DNAJB14: variants seen among roughly 807,000 people sequenced by gnomAD.
DNAJB14 encodes dnaJ homolog subfamily B member 14.
In DNAJB14, 22 loss-of-function variants were observed where a neutral mutation model predicts 48.4. The ratio of observed to expected loss-of-function variants is 0.45; its 90% CI spans 0.32 to 0.65. DNAJB14 has a LOEUF of 0.65. Among genes scored for constraint, DNAJB14 ranks in the 30% least tolerant of loss-of-function variants. DNAJB14 has a pLI of 0.03. For missense variants in DNAJB14, 319 were observed against 458.8 expected (o/e 0.70, Z 2.78); for synonymous variants, 142 against 158.7 (o/e 0.89, Z 0.79).
At chr4:99,923,887 A>G (rs776991779) in intron 2 of DNAJB14, 61 of 984,984 alleles carry the variant, frequency 6.2e-5, no homozygotes, top group Non-Finnish European at 7.0e-5. Context: ...TCTGAAAAAG[A>G]TAACATCTCA....
intron 2 of DNAJB14, chr4:99,926,218 T>G (rs951131345): frequency 6.6e-6 from 1 of 152,234 alleles, no homozygotes; most frequent in African/African-American, 2.4e-5. Flanking sequence ...TGTACTACAG[T>G]TGCCTCTTTA....
At chr4:99,931,831 G>T (rs1726481276) in intron 1 of DNAJB14, among the ~76,000 whole-genome samples, 1 of 151,362 alleles carries the variant, frequency 6.6e-6, no homozygotes, top group Admixed American at 6.6e-5. Flanking sequence ...AAATGGGTTG[G>T]AAAAGAAAAA....
chr4:99,913,713 C>A (rs962944430), intron 3 of DNAJB14, among the ~76,000 whole-genome samples: 3 of 147,586 alleles, frequency 2.0e-5, no homozygotes, highest in Admixed American at 6.9e-5. Flanking sequence ...GTCTCTTCCT[C>A]TTCTATTTTC....
At chr4:99,939,233 A>G (rs966201532) in intron 1 of DNAJB14, among the ~76,000 whole-genome samples, 3 of 152,136 alleles carry the variant, frequency 2.0e-5, no homozygotes, top group Admixed American at 6.5e-5. Context: ...ATGGTGGTGC[A>G]TGCCTGTAGT....
chr4:99,916,030 G>C (rs1725842811), intron 3 of DNAJB14, among the ~76,000 whole-genome samples: 1 of 151,854 alleles, frequency 6.6e-6, no homozygotes, highest in Admixed American at 6.6e-5. Context: ...TATTAATATA[G>C]CAACTCCTGT....
intron 2 of DNAJB14, chr4:99,924,959 C>T (rs558319026): frequency 1.6e-6 from 1 of 631,968 alleles, no homozygotes. Flanking sequence ...AGTGTGAATA[C>T]CTGTATGTTT....
chr4:99,935,648 G>A (rs779738022), intron 1 of DNAJB14, among the ~76,000 whole-genome samples: 64 of 152,302 alleles, frequency 4.2e-4, no homozygotes, highest in Non-Finnish European at 9.0e-4. Flanking sequence ...TAAATGGTGG[G>A]CTTCCCCTGT....
chr4:99,914,909 T>A (rs72915005), intron 3 of DNAJB14, among the ~76,000 whole-genome samples: 1 of 152,188 alleles, frequency 6.6e-6, no homozygotes, highest in African/African-American at 2.4e-5. Flanking sequence ...CATTTCTGTC[T>A]TCTTTTTTTG....
chr4:99,901,210 T>C, intron 7 of DNAJB14, 58 bp from the exon 8 acceptor site: 1 of 1,453,990 alleles, frequency 6.9e-7, no homozygotes, highest in Non-Finnish European at 9.3e-7. Context: ...CCTAGTTGCT[T>C]AAGCTCAAGT....
intron 1 of DNAJB14, among the ~76,000 whole-genome samples, chr4:99,932,875 C>T (rs1726527850): frequency 6.6e-6 from 1 of 152,022 alleles, no homozygotes; most frequent in Admixed American, 6.5e-5. Context: ...AGACTCCAGT[C>T]ACAAAAGATG....
intron 3 of DNAJB14, among the ~76,000 whole-genome samples, chr4:99,913,879 G>C (rs920254709): frequency 3.9e-5 from 6 of 151,998 alleles, no homozygotes; most frequent in Non-Finnish European, 8.8e-5. Context: ...ATTTTGTGTT[G>C]CTATAGAAAA....
rs1727077075 is a variant in DNAJB14, at chr4:99,946,382, C to A, written c.133+57G>T. Reference sequence around the variant, plus strand: ...GGAGGGGCCGAGGTGGGGGCAGGGGCGGGCTACGCGGTGGTCTGGGGATTG... The same window carrying A: ...GGAGGGGCCGAGGTGGGGGCAGGGGAGGGCTACGCGGTGGTCTGGGGATTG... On this transcript the variant is annotated intron_variant, in intron 1 of 7. Coordinates refer to ENST00000442697, the MANE Select transcript of DNAJB14 (RefSeq NM_001031723.4). The A allele has an allele frequency of 2.6e-6, 4 of 1,558,194 alleles. No homozygotes were observed. The East Asian group carries it at 7.2e-5, about 28-fold the overall frequency.
At chr4:99,931,759 T>A (rs948416809) in intron 1 of DNAJB14, among the ~76,000 whole-genome samples, 3 of 150,988 alleles carry the variant, frequency 2.0e-5, no homozygotes, top group African/African-American at 7.3e-5. Flanking sequence ...TATACCACAA[T>A]CTATGAGCAC....
At position 99,903,714 on chromosome 4, in the gene DNAJB14, T is replaced by C. The variant is rs1402683100; in HGVS notation, c.1015+12A>G. 2 of 1,603,372 alleles carry C rather than the reference T, an allele frequency of 1.2e-6. No individual in the cohort carries two copies. The highest frequency in any genetic ancestry group is 8.5e-7 in the Non-Finnish European group (1 of 1,176,618). On this transcript the variant is annotated intron_variant, in intron 7 of 7. Coordinates refer to ENST00000442697, the MANE Select transcript of DNAJB14 (RefSeq NM_001031723.4). ...AATAAGTTTTAAAATGTTAAACACA[T>C]GACAAACTTACTTTGTTGTCTTTCT... is the stretch of plus-strand genomic sequence containing the variant.
chr4:99,943,961 TAGG>T (rs1726975647), intron 1 of DNAJB14, among the ~76,000 whole-genome samples: 1 of 151,840 alleles, frequency 6.6e-6, no homozygotes, highest in Non-Finnish European at 1.5e-5. Context: ...AACATATAAA[TAGG>T]AGAAAACATC....
At chr4:99,905,839 C>G in intron 5 of DNAJB14, 133 bp from the exon 6 acceptor site, 1 of 1,258,234 alleles carries the variant, frequency 7.9e-7, no homozygotes, top group East Asian at 2.6e-5. Flanking sequence ...TCTGCGTAAC[C>G]ATGCCAATAG....
intron 4 of DNAJB14, among the ~76,000 whole-genome samples, chr4:99,907,137 A>G (rs1166982678): frequency 6.6e-6 from 1 of 152,210 alleles, no homozygotes; most frequent in Non-Finnish European, 1.5e-5. Flanking sequence ...AATGGCTACC[A>G]TTGACAAACT....
intron 1 of DNAJB14, among the ~76,000 whole-genome samples, chr4:99,938,569 TAGAAAG>T (rs894405103): frequency 3.3e-5 from 5 of 151,672 alleles, no homozygotes; most frequent in East Asian, 1.9e-4. Context: ...TGTGTGTGTG[TAGAAAG>T]AGAAAGAGAA....
intron 1 of DNAJB14, among the ~76,000 whole-genome samples, chr4:99,939,424 C>A (rs1190053685): frequency 1.3e-5 from 2 of 152,230 alleles, no homozygotes; most frequent in Non-Finnish European, 2.9e-5. Flanking sequence ...CGAAGACCCA[C>A]TGCATGCTAA....
Sources: allele counts gnomAD v4.1 joint callset (sites outside exome capture counted in the v4.1 genomes callset), GRCh38; gene constraint gnomAD v4.1.1; transcripts MANE v1.5; gene names NCBI Gene and HGNC (gene_info 2026-07-23, HGNC 2026-07-21).